The following SORCS1 variants were observed in gnomAD, a reference collection of about 807,000 sequenced individuals.
The protein encoded by SORCS1 is VPS10 domain-containing receptor SorCS1.
A neutral mutation model predicts 146.1 loss-of-function variants in SORCS1; 60 were observed. The observed-to-expected ratio is 0.41, with a 90% confidence interval of 0.33 to 0.51. The LOEUF is 0.51. SORCS1 is among the 20% of genes least tolerant of loss of function. The pLI is 0.21. For missense variants in SORCS1, 1,352 were observed against 1,487.6 expected, an observed-to-expected ratio of 0.91 and a Z score of 1.50; for synonymous variants, 637 against 584.0, an observed-to-expected ratio of 1.09 and a Z score of -1.31.
intron 1 of SORCS1, among the ~76,000 whole-genome samples, chr10:107,091,230 C>T (rs1191611702): frequency 6.6e-6 from 1 of 152,216 alleles, no homozygotes; most frequent in African/African-American, 2.4e-5. Context: ...TGGTGAGTAG[C>T]CCCATTTGAG....
intron 2 of SORCS1, among the ~76,000 whole-genome samples, chr10:106,864,096 T>G (rs547788657): frequency 2.0e-5 from 3 of 152,166 alleles, no homozygotes; most frequent in African/African-American, 7.2e-5. Flanking sequence ...AGAAACTTAG[T>G]ATAGAAAAAA....
chr10:106,618,243 G>A lies in SORCS1; in HGVS notation c.2826C>T (p.Ser942=), dbSNP rs141874647. The change falls in exon 21 of 26, where the codon TCC becomes TCT. Residue 942 remains serine, a synonymous_variant. Transcript: ENST00000263054. Reference sequence around the variant, plus strand: ...TCATTCCTTCTGAAGTAAATCTGAAGGATATGCTTCCCTCCAAGGTGATCA... The same window carrying A: ...TCATTCCTTCTGAAGTAAATCTGAAAGATATGCTTCCCTCCAAGGTGATCA... The part of the protein sequence containing the change: ...EPLITLEGSI[S]FRFTSEGMNT... 1.3e-4 allele frequency: 206 copies of A among 1,613,916 alleles called. No homozygotes were observed. Among genetic ancestry groups the A allele is most frequent in the Non-Finnish European group, 1.7e-4 (199 of 1,179,960 alleles).
At chr10:106,736,197 T>C (rs2136062130) in intron 5 of SORCS1, among the ~76,000 whole-genome samples, 1 of 152,348 alleles carries the variant, frequency 6.6e-6, no homozygotes, top group Middle Eastern at 3.4e-3. Context: ...GCATTTTGTC[T>C]GAGTTTATAC....
chr10:106,586,489 T>C (rs1357693784), intron 24 of SORCS1, among the ~76,000 whole-genome samples: 2 of 152,148 alleles, frequency 1.3e-5, no homozygotes, highest in Admixed American at 1.3e-4. Context: ...CTGACGCATG[T>C]TTGTGCCCCT....
intron 16 of SORCS1, among the ~76,000 whole-genome samples, chr10:106,670,285 A>T (rs1851491146): frequency 6.6e-6 from 1 of 151,294 alleles, no homozygotes; most frequent in South Asian, 2.1e-4. Context: ...CCCACAAGCT[A>T]GCTTTCTGCT....
At position 106,896,896 on chromosome 10, in the gene SORCS1, T is replaced by TG. The variant is rs1260174611; in HGVS notation, c.626+59616_626+59617insC. On this transcript the variant is annotated intron_variant, in intron 2 of 25. Coordinates refer to ENST00000263054, the MANE Select transcript of SORCS1 (RefSeq NM_052918.5). ...ATCTATGCACCAAATACTGTTTTTT[T>TG]TTTTTTTTTTTTGAGATGGAGTCTT... is the stretch of plus-strand genomic sequence containing the variant. Among the ~76,000 whole-genome samples the TG allele has an allele frequency of 4.7e-5, 7 of 148,562 alleles. No individual in the cohort carries two copies. The South Asian group carries it at 8.9e-4, about 19-fold the overall frequency.
At chr10:106,866,817 C>T (rs371472778) in intron 2 of SORCS1, among the ~76,000 whole-genome samples, 3 of 152,224 alleles carry the variant, frequency 2.0e-5, no homozygotes, top group African/African-American at 7.2e-5. Flanking sequence ...AACCTCGACC[C>T]TGTGAGAACA....
At chr10:106,943,651 C>CA (rs35816216) in intron 2 of SORCS1, among the ~76,000 whole-genome samples, 62,476 of 147,960 alleles carry the variant, frequency 0.42, 15,898 homozygotes, top group Non-Finnish European at 0.58. Context: ...ACTAAAAATA[C>CA]AAAAAAAAAA....
At chr10:107,123,080 A>T (rs1966499862) in intron 1 of SORCS1, among the ~76,000 whole-genome samples, 1 of 146,790 alleles carries the variant, frequency 6.8e-6, no homozygotes, top group African/African-American at 2.6e-5. Flanking sequence ...AAACTGGCAA[A>T]AAAAAAAAAA....
intron 5 of SORCS1, among the ~76,000 whole-genome samples, chr10:106,750,843 A>G (rs1379392248): frequency 6.9e-6 from 1 of 145,854 alleles, no homozygotes; most frequent in Non-Finnish European, 1.5e-5. Context: ...GCGGATCACG[A>G]GGTCAAGAGA....
At chr10:106,786,984 G>C in intron 3 of SORCS1, among the ~76,000 whole-genome samples, 1 of 152,090 alleles carries the variant, frequency 6.6e-6, no homozygotes, top group East Asian at 1.9e-4. Flanking sequence ...CCCTCTCAGG[G>C]ACATTAAGGG....
At chr10:106,586,756 G>T (rs1315743356) in intron 24 of SORCS1, among the ~76,000 whole-genome samples, 1 of 152,196 alleles carries the variant, frequency 6.6e-6, no homozygotes, top group East Asian at 1.9e-4. Context: ...AAGAGTTTGA[G>T]ATCAGCCTGG....
intron 2 of SORCS1, among the ~76,000 whole-genome samples, chr10:106,923,630 T>C (rs572665366): frequency 6.6e-6 from 1 of 152,268 alleles, no homozygotes; most frequent in South Asian, 2.1e-4. Flanking sequence ...CAGCATTTGG[T>C]GGTGTCAGTG....
chr10:107,028,272 C>T (rs1958494174), intron 1 of SORCS1, among the ~76,000 whole-genome samples: 1 of 152,210 alleles, frequency 6.6e-6, no homozygotes, highest in African/African-American at 2.4e-5. Context: ...TCTCACATGA[C>T]TACCCTTAAA....
At chr10:106,873,146 C>A (rs1589603704) in intron 2 of SORCS1, among the ~76,000 whole-genome samples, 1 of 151,988 alleles carries the variant, frequency 6.6e-6, no homozygotes, top group African/African-American at 2.4e-5. Flanking sequence ...TGCACTCCAG[C>A]CTGGGCAACA....
At chr10:106,644,966 T>G (rs1849317237) in intron 18 of SORCS1, among the ~76,000 whole-genome samples, 1 of 152,126 alleles carries the variant, frequency 6.6e-6, no homozygotes, top group Non-Finnish European at 1.5e-5. Context: ...GTGTATGCAT[T>G]TCTGATGAGT....
intron 1 of SORCS1, among the ~76,000 whole-genome samples, chr10:107,138,732 A>T (rs1295119429): frequency 6.6e-6 from 1 of 152,102 alleles, no homozygotes; most frequent in African/African-American, 2.4e-5. Context: ...ATTTTAGGAG[A>T]TTTCTCACTG....
intron 23 of SORCS1, among the ~76,000 whole-genome samples, chr10:106,602,084 A>G (rs77641438): frequency 6.6e-6 from 1 of 152,362 alleles, no homozygotes; most frequent in African/African-American, 2.4e-5. Context: ...AAAAAATAAA[A>G]GTTTTAAGGA....
intron 1 of SORCS1, among the ~76,000 whole-genome samples, chr10:107,020,312 A>G (rs888860398): frequency 4.6e-5 from 7 of 152,236 alleles, no homozygotes; most frequent in African/African-American, 1.7e-4. Flanking sequence ...GAACAAACTC[A>G]AAATGAGTAG....
Sources: gnomAD v4.1 joint callset for allele counts (sites outside exome capture counted in the v4.1 genomes callset) on GRCh38, gnomAD v4.1.1 for gene constraint, MANE v1.5 for transcripts, NCBI Gene and HGNC (gene_info 2026-07-23, HGNC 2026-07-21) for gene names.